Variants in RAPGEF3 observed in about 807,000 individuals in gnomAD.
The protein encoded by RAPGEF3 is Rap guanine nucleotide exchange factor 3, also known as 9330170P05Rik.
In RAPGEF3, 103 loss-of-function variants were observed where a neutral mutation model predicts 129.8. The ratio of observed to expected loss-of-function variants is 0.79; its 90% CI spans 0.68 to 0.93. The LOEUF is 0.93. Among genes scored for constraint, RAPGEF3 ranks in the 40% least tolerant of loss-of-function variants. The pLI is 0.00. For synonymous variants in RAPGEF3, 436 were observed against 482.6 expected, an observed-to-expected ratio of 0.90 and a Z score of 1.26; for missense variants, 1,117 against 1,207.4, an observed-to-expected ratio of 0.93 and a Z score of 1.11.
intron 24 of RAPGEF3, 138 bp from the exon 25 acceptor site, chr12:47,738,892 C>T: frequency 1.2e-6 from 1 of 833,378 alleles, no homozygotes; most frequent in Non-Finnish European, 2.0e-6. Flanking sequence ...CAAGCCCCAG[C>T]AGCATTTCCT....
rs1356730969 is a variant in RAPGEF3, at chr12:47,734,730, C to T, written c.*2837G>A. On this transcript the variant is annotated 3_prime_UTR_variant, in exon 28 of 28. Transcript: ENST00000449771. ...TGTGACTATTGGGAAGGAGAGCAGCCAGAGGCTGAGGGCTGTTGGAGACAC... is the reference window on the plus strand; with the variant it reads ...TGTGACTATTGGGAAGGAGAGCAGCTAGAGGCTGAGGGCTGTTGGAGACAC... 4 of 152,260 alleles carry T rather than the reference C, an allele frequency of 2.6e-5. No homozygotes were observed. The highest frequency in any genetic ancestry group is 5.9e-5 in the Non-Finnish European group (4 of 68,060). 9.4% of individuals were successfully genotyped at this position (152,260 alleles called of 1,614,324 possible).
In RAPGEF3 at chr12:47,740,325, G is replaced by A. The variant is rs550320611; in HGVS notation, c.2302C>T (p.Arg768Cys). Residue 768 changes from arginine to cysteine, a missense_variant, in exon 22 of 28, where the codon CGC (arginine) becomes TGC (cysteine). By Grantham distance (180) the Arg-to-Cys change is radical. This residue lies in a region of RAPGEF3 where 643 missense variants were observed against 673.4 expected (regional missense o/e 0.95). Transcript: ENST00000449771. ...CTTACCTCCCAGGTGTGGGCTAGGC[G>A]GCTGATGGCCGAGTTGCTGAGGCCA... ...MFGLSNSAIS[R>C]LAHTWERLPH... is the part of the protein sequence containing the mutation. 4.0e-5 allele frequency: 64 copies of A among 1,614,118 alleles called. No individual in the cohort carries two copies. The highest frequency in any genetic ancestry group is 1.0e-4 in the Admixed American group (6 of 60,034).
chr12:47,758,367 A>ACTAC, intron 1 of RAPGEF3, 184 bp downstream of exon 1: 1 of 1,477,944 alleles, frequency 6.8e-7, no homozygotes, highest in Non-Finnish European at 9.0e-7. Context: ...AGGGATCTCC[A>ACTAC]CTACCTCCCA....
At position 47,748,866 on chromosome 12, in the gene RAPGEF3, G is replaced by A; in HGVS notation, c.1107C>T (p.Ala369=). The change falls in exon 11 of 28, where the codon GCC becomes GCT. Residue 369 remains alanine (A), a synonymous_variant. Coordinates refer to ENST00000449771, the MANE Select transcript of RAPGEF3 (RefSeq NM_001098531.4). ...HGKVVLVLER[A]SQGAGPSRPP... Reference sequence around the variant, plus strand: ...GTCGGGAAGGGCCGGCGCCCTGAGAGGCTCTCTCCAGCACCAGCACCACTT... The same window carrying A: ...GTCGGGAAGGGCCGGCGCCCTGAGAAGCTCTCTCCAGCACCAGCACCACTT... 6.2e-7 allele frequency: 1 copy of A among 1,614,058 alleles called. No individual in the cohort carries two copies. Among genetic ancestry groups the A allele is most frequent in the Non-Finnish European group, 8.5e-7 (1 of 1,179,952 alleles).
chr12:47,749,219 C>A lies in RAPGEF3; in HGVS notation c.1041+171G>T, dbSNP rs1328381140. 2 of 819,764 alleles carry A rather than the reference C, an allele frequency of 2.4e-6. No individual in the cohort carries two copies. The highest frequency in any genetic ancestry group is 2.4e-4 in the Middle Eastern group (1 of 4,156). The allele number at this position is 819,764 out of a possible 1,614,324, so 50.8% of individuals were successfully genotyped here. On this transcript the variant is annotated intron_variant, in intron 10 of 27. Coordinates refer to ENST00000449771, the MANE Select transcript of RAPGEF3 (RefSeq NM_001098531.4). This position sits in a 1 kb window ranked among gnomAD's most constrained non-coding sequence, Gnocchi z 4.5. The stretch of plus-strand genomic sequence containing the variant: ...CTGAACTCCTTCTGTGCCTTATGGG[C>A]TTCACCTTCTCACACACACCCAGGG...
chr12:47,748,863 A>G lies in RAPGEF3; in HGVS notation c.1110T>C (p.Ser370=). The G allele has an allele frequency of 6.2e-7, 1 of 1,614,020 alleles. No individual in the cohort carries two copies. The highest frequency in any genetic ancestry group is 8.5e-7 in the Non-Finnish European group (1 of 1,179,928). Residue 370 remains serine, a synonymous_variant, in exon 11 of 28, where the codon TCT becomes TCC. Transcript: ENST00000449771. The stretch of plus-strand genomic sequence containing the variant: ...GGGGTCGGGAAGGGCCGGCGCCCTG[A>G]GAGGCTCTCTCCAGCACCAGCACCA... ...GKVVLVLERA[S]QGAGPSRPPT...
At position 47,758,727 on chromosome 12, in the gene RAPGEF3, G is replaced by A. The variant is rs1180204687; in HGVS notation, c.-171C>T. On this transcript the variant is annotated 5_prime_UTR_variant, in exon 1 of 28. Coordinates refer to ENST00000449771, the MANE Select transcript of RAPGEF3 (RefSeq NM_001098531.4). ...CTGGCTGCCAGGGCAGCAGGATGCAGGGCTCGGTGGAGAGGCTCCTCTTGG... is the reference window on the plus strand; with the variant it reads ...CTGGCTGCCAGGGCAGCAGGATGCAAGGCTCGGTGGAGAGGCTCCTCTTGG... The A allele has an allele frequency of 9.6e-6, 13 of 1,355,550 alleles. No homozygotes were observed. Among genetic ancestry groups the A allele is most frequent in the Non-Finnish European group, 1.2e-5 (13 of 1,050,324 alleles). 84.0% of individuals were successfully genotyped at this position (1,355,550 alleles called of 1,614,324 possible).
intron 6 of RAPGEF3, 39 bp from the exon 7 acceptor site, chr12:47,750,464 T>C (rs1291502836): frequency 1.3e-6 from 2 of 1,562,986 alleles, no homozygotes; most frequent in Middle Eastern, 3.6e-4. Context: ...CTGTGAACTG[T>C]GGGCCCGTCA....
intron 2 of RAPGEF3, among the ~76,000 whole-genome samples, chr12:47,757,339 T>G (rs1942133720): frequency 6.6e-6 from 1 of 152,110 alleles, no homozygotes; most frequent in Non-Finnish European, 1.5e-5. Flanking sequence ...TCTCAGATTC[T>G]CCAAATGTCT....
At chr12:47,755,351 G>A (rs1941991634) in intron 2 of RAPGEF3, among the ~76,000 whole-genome samples, 1 of 152,180 alleles carries the variant, frequency 6.6e-6, no homozygotes, top group African/African-American at 2.4e-5. Context: ...TTTCAATAAT[G>A]TCTGGCACAT....
In RAPGEF3 at chr12:47,739,750, C is replaced by G. The variant is rs144799781; in HGVS notation, c.2373+391G>C. 1,212 of 375,558 alleles carry G rather than the reference C, an allele frequency of 3.2e-3. 15 individuals carry two copies. Among genetic ancestry groups the G allele is most frequent in the African/African-American group, 0.024 (1,152 of 48,788 alleles). 23.3% of individuals were successfully genotyped at this position (375,558 alleles called of 1,614,324 possible). A position where few individuals can be genotyped will look rare whatever the true frequency, so the allele number is the denominator to read the frequency against. On this transcript the variant is annotated intron_variant, in intron 23 of 27. Coordinates refer to ENST00000449771, the MANE Select transcript of RAPGEF3 (RefSeq NM_001098531.4). Reference sequence around the variant, plus strand: ...TCTAGCCCGCAAGCCCCTCGGAGTTCCTGAGGGGCAGACAGGCCCTGGTGC... The same window carrying G: ...TCTAGCCCGCAAGCCCCTCGGAGTTGCTGAGGGGCAGACAGGCCCTGGTGC...
In RAPGEF3 at chr12:47,737,416, ATG is replaced by A; in HGVS notation, c.*149_*150del. 1 of 651,712 alleles carries A rather than the reference ATG, an allele frequency of 1.5e-6. No individual in the cohort carries two copies. The highest frequency in any genetic ancestry group is 2.7e-5 in the East Asian group (1 of 36,432). The allele number at this position is 651,712 out of a possible 1,614,324, so 40.4% of individuals were successfully genotyped here. ...CCTTAGCTGCCAGTCATCACAGGGG[ATG>A]GCTGCCTCCACACTGCCTGCTCCAG... On this transcript the variant is annotated 3_prime_UTR_variant, in exon 28 of 28. Coordinates refer to ENST00000449771, the MANE Select transcript of RAPGEF3 (RefSeq NM_001098531.4).
In RAPGEF3 at chr12:47,740,804, A is replaced by C. The variant is rs546717867; in HGVS notation, c.2069T>G (p.Val690Gly). The C allele has an allele frequency of 1.5e-5, 24 of 1,613,992 alleles. No homozygotes were observed. The South Asian group carries it at 2.6e-4, about 18-fold the overall frequency. ...SIHQVELIHY[V>G]LGPQHLRDVT... is the part of the protein sequence containing the mutation. Reference sequence around the variant, plus strand: ...ATCCCGCAGATGCTGGGGGCCCAGCACATAGTGGATCAGCTCCACCTGGGT... The same window carrying C: ...ATCCCGCAGATGCTGGGGGCCCAGCCCATAGTGGATCAGCTCCACCTGGGT... The change falls in exon 21 of 28, where the codon GTG becomes GGG. Residue 690 changes from valine (V) to glycine (G), a missense_variant. By Grantham distance (109) the Val-to-Gly change is moderately radical (BLOSUM62 -3). Transcript: ENST00000449771.
chr12:47,738,897 T>C (rs1208881669), intron 24 of RAPGEF3, 143 bp from the exon 25 acceptor site: 1 of 811,554 alleles, frequency 1.2e-6, no homozygotes, highest in Non-Finnish European at 2.1e-6. Context: ...CCCAGCAGCA[T>C]TTCCTTGTAT....
chr12:47,740,026 G>A, intron 23 of RAPGEF3, 115 bp downstream of exon 23: 1 of 1,316,636 alleles, frequency 7.6e-7, no homozygotes, highest in Non-Finnish European at 1.1e-6. Flanking sequence ...AACCCTGAAA[G>A]TGACAAAGGA....
At chr12:47,738,149 A>G in intron 26 of RAPGEF3, 44 bp downstream of exon 26, 1 of 1,613,762 alleles carries the variant, frequency 6.2e-7, no homozygotes, top group Middle Eastern at 1.7e-4. Context: ...CTCACAGAGG[A>G]TGTAGGGTGG....
chr12:47,747,754 G>A lies in RAPGEF3; in HGVS notation c.1431C>T (p.Gly477=). 2 of 1,609,234 alleles carry A rather than the reference G, an allele frequency of 1.2e-6. No individual in the cohort carries two copies. The highest frequency in any genetic ancestry group is 1.7e-6 in the Non-Finnish European group (2 of 1,179,986). ...RLVSQWVALY[G]SMLHTDPVAT... ...CCACAGGGTCAGTGTGGAGCATGGA[G>A]CCATACAGGGCCACCCACTGGCTGA... Residue 477 remains glycine (G), a synonymous_variant, in exon 14 of 28, where the codon GGC becomes GGT. Transcript: ENST00000449771.
rs1335870102 is a variant in RAPGEF3 at position 47,758,646 on chromosome 12, G to A, written c.-90C>T. On this transcript the variant is annotated 5_prime_UTR_variant, in exon 1 of 28. Transcript: ENST00000449771. Reference sequence around the variant, plus strand: ...CCCATCAGCTTTGATAAGGGGATCCGGAGGGTGCCAGTGGGTAAGTCCAGG... The same window carrying A: ...CCCATCAGCTTTGATAAGGGGATCCAGAGGGTGCCAGTGGGTAAGTCCAGG... 18 of 1,593,292 alleles carry A rather than the reference G, an allele frequency of 1.1e-5. No homozygotes were observed. Among genetic ancestry groups the A allele is most frequent in the Non-Finnish European group, 1.5e-5 (18 of 1,168,806 alleles).
chr12:47,747,648 T>G (rs761233201), intron 14 of RAPGEF3, 22 bp from the exon 15 acceptor site: 6 of 1,613,486 alleles, frequency 3.7e-6, no homozygotes, highest in Non-Finnish European at 5.1e-6. Context: ...CAAGATTCAC[T>G]GAGATGGCTG....
Sources: allele counts gnomAD v4.1 joint callset (sites outside exome capture counted in the v4.1 genomes callset), GRCh38; gene constraint gnomAD v4.1.1; regional missense constraint gnomAD v4.1.1; non-coding constraint Gnocchi (gnomAD v3.1); transcripts MANE v1.5; gene names NCBI Gene and HGNC (gene_info 2026-07-23, HGNC 2026-07-21).